NEDD4L: variants seen among roughly 807,000 people sequenced by gnomAD.
NEDD4L encodes the protein NEDD4 like E3 ubiquitin protein ligase, also known as E3 ubiquitin-protein ligase NEDD4-like.
Under a neutral mutation model 148.9 loss-of-function variants are expected in NEDD4L, and 54 were observed. That is an observed-to-expected ratio of 0.36 (90% CI 0.29 to 0.45). The LOEUF (loss-of-function observed/expected upper bound fraction) is 0.45, where lower values mean the gene tolerates loss of function less well. Ranked by LOEUF, NEDD4L falls within the 20% of genes least tolerant of loss-of-function variation. NEDD4L has a pLI of 1.00. For missense variants in NEDD4L, 856 were observed against 1,233.8 expected (o/e 0.69, Z 4.59); for synonymous variants, 433 against 440.7 (o/e 0.98, Z 0.22).
chr18:58,142,290 C>T (rs1467698686), intron 1 of NEDD4L, among the ~76,000 whole-genome samples: 1 of 151,624 alleles, frequency 6.6e-6, no homozygotes, highest in Non-Finnish European at 1.5e-5. Flanking sequence ...CATCGTGATC[C>T]ACCTGCCTCG....
chr18:58,046,642 C>T (rs376264698), intron 1 of NEDD4L: 1 of 152,068 alleles, frequency 6.6e-6, no homozygotes, highest in Non-Finnish European at 1.5e-5. Context: ...GGAGTCACTA[C>T]TAATCATCAT....
rs193033904 is a variant in NEDD4L, at chr18:58,366,591, G to A, written c.2063+363G>A. ...AGGAGGTGTTTTTTGAACAAGAGTC[G>A]TTTCTGAGGTCTCCTGTGTAAAGGC... is the stretch of plus-strand genomic sequence containing the variant. On this transcript the variant is annotated intron_variant, in intron 21 of 30. Coordinates refer to ENST00000400345, the MANE Select transcript of NEDD4L (RefSeq NM_001144967.3). The surrounding 1 kb of genome is among the most constrained non-coding windows in gnomAD (Gnocchi z 4.2). The A allele has an allele frequency of 1.9e-4, 30 of 155,746 alleles. No individual in the cohort carries two copies. The highest frequency in any genetic ancestry group is 2.5e-4 in the Non-Finnish European group (19 of 75,000). The allele number at this position is 155,746 out of a possible 1,614,324, so 9.6% of individuals were successfully genotyped here.
intron 27 of NEDD4L, chr18:58,388,373 G>T (rs2049332352): frequency 6.6e-6 from 1 of 152,268 alleles, no homozygotes; most frequent in Non-Finnish European, 1.5e-5. Context: ...AACTGAGGCA[G>T]AGAGCAGCTG....
At chr18:58,292,178 C>T (rs966553523) in intron 5 of NEDD4L, among the ~76,000 whole-genome samples, 11 of 152,058 alleles carry the variant, frequency 7.2e-5, no homozygotes, top group Non-Finnish European at 1.0e-4. Context: ...TGGAAGTTCA[C>T]GGAAGATTAA....
intron 1 of NEDD4L, among the ~76,000 whole-genome samples, chr18:58,085,785 C>A (rs1195333060): frequency 6.6e-6 from 1 of 152,162 alleles, no homozygotes; most frequent in African/African-American, 2.4e-5. Context: ...TTTTCTCTCT[C>A]TATTAAAAGG....
intron 1 of NEDD4L, among the ~76,000 whole-genome samples, chr18:58,066,924 A>G (rs565968146): frequency 5.3e-5 from 8 of 152,280 alleles, no homozygotes; most frequent in African/African-American, 1.7e-4. Flanking sequence ...GGCCCCTCCT[A>G]CAACACTGGG....
chr18:58,371,203 A>ATTTTTTTTTTTTTTTTTTTT, intron 23 of NEDD4L, among the ~76,000 whole-genome samples: 1 of 92,988 alleles, frequency 1.1e-5, no homozygotes, highest in Non-Finnish European at 1.9e-5. Flanking sequence ...TGCCTGGCTA[A>ATTTTTTTTTTTTTTTTTTTT]TTTTTTTTTT....
At chr18:58,370,541 T>A in intron 23 of NEDD4L, 74 bp downstream of exon 23, 1 of 979,290 alleles carries the variant, frequency 1.0e-6, no homozygotes, top group Non-Finnish European at 1.7e-6. Flanking sequence ...GAGAGCCATA[T>A]TTGTAGTCTC....
chr18:58,173,935 A>T (rs1429860646), intron 2 of NEDD4L, among the ~76,000 whole-genome samples: 2 of 152,184 alleles, frequency 1.3e-5, no homozygotes, highest in African/African-American at 4.8e-5. Flanking sequence ...AACCTAGAAT[A>T]GTGATAAAAG....
chr18:58,282,676 C>T (rs978786033), intron 5 of NEDD4L, among the ~76,000 whole-genome samples: 2 of 152,104 alleles, frequency 1.3e-5, no homozygotes, highest in Admixed American at 1.3e-4. Context: ...GGTAAATTAG[C>T]GGTATGGATG....
intron 24 of NEDD4L, among the ~76,000 whole-genome samples, chr18:58,375,318 G>A (rs1282255103): frequency 6.6e-6 from 1 of 151,924 alleles, no homozygotes; most frequent in East Asian, 1.9e-4. Context: ...GTTCTCTAGT[G>A]CCTACCCTGT....
intron 22 of NEDD4L, 128 bp downstream of exon 22, chr18:58,367,995 G>T (rs1423790708): frequency 2.0e-6 from 2 of 1,015,716 alleles, no homozygotes; most frequent in African/African-American, 1.6e-5. Flanking sequence ...TTTATGTTTT[G>T]CCCATAATGG....
At chr18:58,133,380 G>A (rs1205882179) in intron 1 of NEDD4L, among the ~76,000 whole-genome samples, 1 of 152,126 alleles carries the variant, frequency 6.6e-6, no homozygotes, top group Non-Finnish European at 1.5e-5. Context: ...CCAGTGAGCG[G>A]GCTCTCACCT....
At chr18:58,137,529 A>G (rs1336041242) in intron 1 of NEDD4L, among the ~76,000 whole-genome samples, 2 of 152,070 alleles carry the variant, frequency 1.3e-5, no homozygotes, top group East Asian at 3.9e-4. Flanking sequence ...AGAGGATAAC[A>G]GGGAGGAAAA....
At chr18:58,280,250 C>G (rs1460630195) in intron 5 of NEDD4L, among the ~76,000 whole-genome samples, 1 of 152,094 alleles carries the variant, frequency 6.6e-6, no homozygotes, top group Non-Finnish European at 1.5e-5. Flanking sequence ...GTGTGTGGCC[C>G]ATGTCACTGT....
At position 58,134,769 on chromosome 18, in the gene NEDD4L, ATTT is replaced by A. The variant is rs71173032; in HGVS notation, c.49-31004_49-31002del. On this transcript the variant is annotated intron_variant, in intron 1 of 30. Coordinates refer to ENST00000400345, the MANE Select transcript of NEDD4L (RefSeq NM_001144967.3). ...TTTCTTTTGTCTTCAAGCAATTTTC[ATTT>A]TTTTTTTTTTTTTTGATATTCAGGG... Among the ~76,000 whole-genome samples, 503 of 131,396 alleles carry A rather than the reference ATTT, an allele frequency of 3.8e-3. 13 individuals carry two copies. Among genetic ancestry groups the A allele is most frequent in the East Asian group, 0.028 (130 of 4,604 alleles). 86.2% of individuals were successfully genotyped at this position (131,396 alleles called of 152,430 possible).
chr18:58,340,965 G>A, intron 13 of NEDD4L, 73 bp from the exon 14 acceptor site: 1 of 1,437,080 alleles, frequency 7.0e-7, no homozygotes, highest in African/African-American at 1.4e-5. Flanking sequence ...TTATCTGGGT[G>A]TACCTTACTT....
At chr18:58,202,984 A>G (rs922956268) in intron 2 of NEDD4L, among the ~76,000 whole-genome samples, 3 of 150,900 alleles carry the variant, frequency 2.0e-5, no homozygotes, top group African/African-American at 4.9e-5. Context: ...TTTTTTTTTT[A>G]AGAGACAAGG....
Position 58,366,398 on chromosome 18 carries a change from G to A in NEDD4L, c.2063+170G>A, listed in dbSNP as rs931656825. 9.2e-5 allele frequency among the ~76,000 whole-genome samples: 14 copies of A among 152,198 alleles called. No homozygotes were observed. The highest frequency in any genetic ancestry group is 5.9e-4 in the Admixed American group (9 of 15,292). On this transcript the variant is annotated intron_variant, in intron 21 of 30. Coordinates refer to ENST00000400345, the MANE Select transcript of NEDD4L (RefSeq NM_001144967.3). This position sits in a 1 kb window ranked among gnomAD's most constrained non-coding sequence, Gnocchi z 4.2. ...AGTCTAGAACAGGTTCTGACTCTAC[G>A]TGGTGAAATAGTGTACTCTGCGAAC...
Sources: allele counts gnomAD v4.1 joint callset (sites outside exome capture counted in the v4.1 genomes callset), GRCh38; gene constraint gnomAD v4.1.1; non-coding constraint Gnocchi (gnomAD v3.1); transcripts MANE v1.5; gene names NCBI Gene and HGNC (gene_info 2026-07-23, HGNC 2026-07-21).